Variants in LTBP1 observed in about 807,000 individuals in gnomAD.
LTBP1 encodes latent transforming growth factor beta binding protein 1.
LTBP1 carries 129 observed loss-of-function variants against 207.6 expected under a neutral mutation model. The ratio of observed to expected loss-of-function variants is 0.62; its 90% CI spans 0.54 to 0.72. The LOEUF (loss-of-function observed/expected upper bound fraction) is 0.72, where lower values mean the gene tolerates loss of function less well. Among genes scored for constraint, LTBP1 ranks in the 30% least tolerant of loss-of-function variants. The probability of loss-of-function intolerance (pLI) is 0.00; values close to 1 mark genes in which losing one functional copy is unlikely to be tolerated. For missense variants in LTBP1, 2,281 were observed against 2,217.2 expected, an observed-to-expected ratio of 1.03 and a Z score of -0.58; for synonymous variants, 963 against 833.7, an observed-to-expected ratio of 1.16 and a Z score of -2.67.
chr2:33,325,893 T>C (rs990147001), intron 24 of LTBP1, among the ~76,000 whole-genome samples: 3 of 152,328 alleles, frequency 2.0e-5, no homozygotes, highest in Admixed American at 2.0e-4. Flanking sequence ...TTAAAAATTT[T>C]AGAAGTATTT....
intron 5 of LTBP1, among the ~76,000 whole-genome samples, chr2:33,152,187 T>C (rs2083592837): frequency 6.6e-6 from 1 of 151,640 alleles, no homozygotes; most frequent in African/African-American, 2.4e-5. Context: ...AGGACTAATA[T>C]CCAGAATCTA....
intron 9 of LTBP1, among the ~76,000 whole-genome samples, chr2:33,231,899 A>G (rs185887210): frequency 6.6e-5 from 10 of 152,332 alleles, no homozygotes; most frequent in Non-Finnish European, 1.0e-4. Context: ...AATATTGTTT[A>G]TAACATTTGT....
intron 9 of LTBP1, among the ~76,000 whole-genome samples, chr2:33,234,024 A>G (rs528568881): frequency 1.3e-5 from 2 of 152,116 alleles, no homozygotes; most frequent in Admixed American, 6.5e-5. Context: ...TTTCAACTTC[A>G]GATCAATTTT....
chr2:33,187,262 T>C (rs2087308354), intron 6 of LTBP1, among the ~76,000 whole-genome samples, 182 bp downstream of exon 6: 1 of 152,158 alleles, frequency 6.6e-6, no homozygotes, highest in East Asian at 1.9e-4. Flanking sequence ...CAGTACTTTC[T>C]AGGCCATAGA....
In LTBP1 at chr2:32,974,804, A is replaced by G. The variant is rs561789407; in HGVS notation, c.565+25859A>G. ...AATGGGTAGGTATCTTGAAGACGGT[A>G]TACAGTTGGTTCTTACTTCTTTATC... On this transcript the variant is annotated intron_variant, in intron 2 of 33. Coordinates refer to ENST00000404816, the MANE Select transcript of LTBP1 (RefSeq NM_206943.4). Among the ~76,000 whole-genome samples the G allele has an allele frequency of 1.3e-4, 20 of 152,310 alleles. No homozygotes were observed. The East Asian group carries it at 2.9e-3, about 22-fold the overall frequency.
chr2:33,362,890 G>T (rs2150064041), intron 28 of LTBP1, among the ~76,000 whole-genome samples: 1 of 152,230 alleles, frequency 6.6e-6, no homozygotes, highest in Non-Finnish European at 1.5e-5. Context: ...GATAGCAAAA[G>T]CTATTAATTC....
intron 15 of LTBP1, among the ~76,000 whole-genome samples, chr2:33,265,064 T>C (rs2093136551): frequency 1.3e-5 from 2 of 152,178 alleles, no homozygotes; most frequent in Non-Finnish European, 2.9e-5. Context: ...TTCCTCAGCC[T>C]TTTTGTTGTG....
chr2:33,289,409 G>C (rs2093730289), intron 19 of LTBP1, among the ~76,000 whole-genome samples: 1 of 152,024 alleles, frequency 6.6e-6, no homozygotes, highest in Admixed American at 6.6e-5. Flanking sequence ...GTCCAGGCTG[G>C]AGTACAACAG....
At chr2:33,263,427 G>T in intron 15 of LTBP1, 35 bp downstream of exon 15, 1 of 1,467,226 alleles carries the variant, frequency 6.8e-7, no homozygotes. Flanking sequence ...ATATCACATG[G>T]AGGAGACGTG....
intron 3 of LTBP1, among the ~76,000 whole-genome samples, chr2:33,045,736 T>C (rs1309150073): frequency 2.6e-5 from 4 of 152,242 alleles, no homozygotes; most frequent in Non-Finnish European, 4.4e-5. Context: ...TGATTCTTCC[T>C]ATCCATGAGC....
chr2:32,956,127 T>C (rs905993343), intron 2 of LTBP1, among the ~76,000 whole-genome samples: 7 of 152,184 alleles, frequency 4.6e-5, no homozygotes, highest in Admixed American at 2.0e-4. Context: ...GTCATTATCT[T>C]TTTGCTAGTG....
chr2:32,972,189 C>CT lies in LTBP1; in HGVS notation c.565+23253dup, dbSNP rs140982175. On this transcript the variant is annotated intron_variant, in intron 2 of 33. Transcript: ENST00000404816. ...CTGATTGTATTCATTTGGATCTTCT[C>CT]TTTTTTTTTCTTAGTCTAGCAGTGG... Among the ~76,000 whole-genome samples, 1,119 of 144,554 alleles carry CT rather than the reference C, an allele frequency of 7.7e-3. 13 individuals are homozygous for CT. The highest frequency in any genetic ancestry group is 0.026 in the African/African-American group (1,023 of 39,474). The allele number at this position is 144,554 out of a possible 152,430, so 94.8% of individuals were successfully genotyped here.
chr2:33,301,529 T>G lies in LTBP1; in HGVS notation c.3366T>G (p.Asp1122Glu), dbSNP rs529190789. 1 of 1,593,542 alleles carries G rather than the reference T, an allele frequency of 6.3e-7. No homozygotes were observed. The highest frequency in any genetic ancestry group is 8.5e-7 in the Non-Finnish European group (1 of 1,173,582). The change falls in exon 22 of 34, where the codon GAT (aspartate) becomes GAG (glutamate). Residue 1122 changes from aspartate (D) to glutamate (E), a missense_variant. Physicochemically the swap from Asp to Glu is conservative, Grantham distance 45 (BLOSUM62 2). This residue lies in a region of LTBP1 where 1,671 missense variants were observed against 1,634.8 expected (regional missense o/e 1.02). Coordinates refer to ENST00000404816, the MANE Select transcript of LTBP1 (RefSeq NM_206943.4). The stretch of plus-strand genomic sequence containing the variant: ...GTATTCTCTTGCTCATAGACATTGA[T>G]GAATGCCAGCACCGTCATCTCTGTG... Reference protein sequence around the residue: ...SAAKDQCEDIDECQHRHLCAH... With the variant: ...SAAKDQCEDIEECQHRHLCAH...
At chr2:32,973,372 A>G (rs1681212629) in intron 2 of LTBP1, among the ~76,000 whole-genome samples, 1 of 152,184 alleles carries the variant, frequency 6.6e-6, no homozygotes, top group Admixed American at 6.5e-5. Context: ...TTGTTGAATT[A>G]AACCCTTTAC....
intron 22 of LTBP1, among the ~76,000 whole-genome samples, chr2:33,304,691 C>T (rs1193621541): frequency 6.6e-6 from 1 of 152,160 alleles, no homozygotes; most frequent in Non-Finnish European, 1.5e-5. Flanking sequence ...TCGTGTCTAC[C>T]TTAACCTTTC....
intron 2 of LTBP1, among the ~76,000 whole-genome samples, chr2:32,965,046 A>G (rs1679738904): frequency 6.6e-6 from 1 of 152,176 alleles, no homozygotes; most frequent in African/African-American, 2.4e-5. Context: ...TAATAAAAAA[A>G]ACAAAAAACA....
chr2:33,101,453 A>G (rs935672780), intron 3 of LTBP1, among the ~76,000 whole-genome samples: 10 of 152,236 alleles, frequency 6.6e-5, no homozygotes, highest in African/African-American at 2.2e-4. Context: ...CCCATCATAA[A>G]AAGAAATCAC....
intron 33 of LTBP1, 146 bp downstream of exon 33, chr2:33,397,428 A>G: frequency 1.4e-6 from 1 of 716,388 alleles, no homozygotes; most frequent in Non-Finnish European, 2.3e-6. Context: ...GTACAGTATG[A>G]ATATACTTAA....
chr2:33,383,388 T>A (rs2095238030), intron 31 of LTBP1, among the ~76,000 whole-genome samples: 1 of 152,170 alleles, frequency 6.6e-6, no homozygotes, highest in African/African-American at 2.4e-5. Flanking sequence ...AATGCTGGCT[T>A]ATCAGTCACT....
Sources: gnomAD v4.1 joint callset for allele counts (sites outside exome capture counted in the v4.1 genomes callset) on GRCh38, gnomAD v4.1.1 for gene constraint, gnomAD v4.1.1 regional missense constraint, MANE v1.5 for transcripts, NCBI Gene and HGNC (gene_info 2026-07-23, HGNC 2026-07-21) for gene names.